SCAF8: variants seen among roughly 807,000 people sequenced by gnomAD.
SCAF8 encodes SR-related and CTD-associated factor 8.
In SCAF8, 23 loss-of-function variants were observed where a neutral mutation model predicts 140.5. The ratio of observed to expected loss-of-function variants is 0.16; its 90% CI spans 0.12 to 0.23. The LOEUF (loss-of-function observed/expected upper bound fraction) is 0.23, where lower values mean the gene tolerates loss of function less well. SCAF8 is among the 10% of genes least tolerant of loss of function. The pLI is 1.00. For missense variants in SCAF8, 1,397 were observed against 1,555.7 expected (o/e 0.90, Z 1.72); for synonymous variants, 575 against 528.9 (o/e 1.09, Z -1.20).
chr6:154,792,131 G>A (rs1210647093), intron 4 of SCAF8, among the ~76,000 whole-genome samples: 1 of 152,070 alleles, frequency 6.6e-6, no homozygotes, highest in Non-Finnish European at 1.5e-5. Context: ...ATGCCAGTAT[G>A]ACATTGACAT....
At chr6:154,817,974 A>AATTGTTTCAGATTATGGATTTT (rs1778300427) in intron 13 of SCAF8, among the ~76,000 whole-genome samples, 1 of 152,124 alleles carries the variant, frequency 6.6e-6, no homozygotes, top group South Asian at 2.1e-4. Flanking sequence ...TTTTATCATC[A>AATTGTTTCAGATTATGGATTTT]ATTGTTTCAG....
At chr6:154,773,854 G>T (rs7762129) in intron 1 of SCAF8, 135 bp from the exon 2 acceptor site, 1 of 650,356 alleles carries the variant, frequency 1.5e-6, no homozygotes, top group Non-Finnish European at 2.8e-6. Context: ...CTTATGGGCA[G>T]TGATGTTGAG....
At chr6:154,736,516 C>T (rs2114783670) in intron 1 of SCAF8, among the ~76,000 whole-genome samples, 1 of 152,056 alleles carries the variant, frequency 6.6e-6, no homozygotes, top group African/African-American at 2.4e-5. Flanking sequence ...AGGTGATCCA[C>T]CCGGCTCGGC....
At chr6:154,825,706 G>C (rs532299487) in intron 17 of SCAF8, among the ~76,000 whole-genome samples, 10 of 148,854 alleles carry the variant, frequency 6.7e-5, no homozygotes, top group Middle Eastern at 6.8e-3. Context: ...GGGAGGTTAG[G>C]TTAGAAGAAT....
chr6:154,810,181 C>A lies in SCAF8; in HGVS notation c.1393C>A (p.Pro465Thr). ...REKERQKKGL[P>T]PIRSKTLSVC... Reference sequence around the variant, plus strand: ...GAAAGAACGACAGAAAAAGGGATTACCTCCAATTAGATCTAAAACACTAAG... The same window carrying A: ...GAAAGAACGACAGAAAAAGGGATTAACTCCAATTAGATCTAAAACACTAAG... Residue 465 changes from proline (P) to threonine (T), a missense_variant, in exon 12 of 20, where the codon CCT becomes ACT. Coordinates refer to ENST00000367178, the MANE Select transcript of SCAF8 (RefSeq NM_014892.5). The A allele has an allele frequency of 6.2e-7, 1 of 1,610,968 alleles. No homozygotes were observed. Among genetic ancestry groups the A allele is most frequent in the African/African-American group, 1.3e-5 (1 of 74,668 alleles).
At position 154,818,306 on chromosome 6, in the gene SCAF8, A is replaced by G. The variant is rs926689158; in HGVS notation, c.1522-173A>G. On this transcript the variant is annotated intron_variant, in intron 13 of 19. Transcript: ENST00000367178. Reference sequence around the variant, plus strand: ...TTTTAAAAATTGAGTTATTAATTGTACATGAATTGTACCTACTAATAAACA... The same window carrying G: ...TTTTAAAAATTGAGTTATTAATTGTGCATGAATTGTACCTACTAATAAACA... Among the ~76,000 whole-genome samples the G allele has an allele frequency of 2.0e-5, 3 of 152,208 alleles. No individual in the cohort carries two copies. In the East Asian group the frequency reaches 5.8e-4, roughly 29 times the overall value.
At chr6:154,754,859 C>G (rs566771074) in intron 1 of SCAF8, among the ~76,000 whole-genome samples, 2 of 152,224 alleles carry the variant, frequency 1.3e-5, no homozygotes, top group Admixed American at 1.3e-4. Context: ...GGGATTCAGT[C>G]TCATATCTTC....
chr6:154,744,472 A>G (rs188420108), intron 1 of SCAF8, among the ~76,000 whole-genome samples: 12 of 152,328 alleles, frequency 7.9e-5, no homozygotes, highest in Non-Finnish European at 1.5e-4. Flanking sequence ...TTCTGCAGCC[A>G]TTACCATGTT....
intron 9 of SCAF8, among the ~76,000 whole-genome samples, chr6:154,806,259 G>T (rs932662657): frequency 2.0e-5 from 3 of 152,164 alleles, no homozygotes; most frequent in African/African-American, 7.2e-5. Flanking sequence ...ATGTTAAGTT[G>T]TAGAGCTAGG....
At chr6:154,773,650 T>C (rs553132771) in intron 1 of SCAF8, among the ~76,000 whole-genome samples, 1 of 152,230 alleles carries the variant, frequency 6.6e-6, no homozygotes, top group Non-Finnish European at 1.5e-5. Context: ...GGCTGGGTCT[T>C]ACGTTAACTG....
chr6:154,815,274 G>A (rs1047770106), intron 12 of SCAF8, among the ~76,000 whole-genome samples: 4 of 151,898 alleles, frequency 2.6e-5, no homozygotes, highest in Non-Finnish European at 5.9e-5. Context: ...TCCAGCCTGG[G>A]CGACAGAGTG....
At chr6:154,766,162 C>T (rs1021857847) in intron 1 of SCAF8, among the ~76,000 whole-genome samples, 1 of 151,632 alleles carries the variant, frequency 6.6e-6, no homozygotes, top group African/African-American at 2.4e-5. Context: ...AAATCTTTAC[C>T]CTTGTCTTCA....
At chr6:154,811,817 C>T (rs962070396) in intron 12 of SCAF8, among the ~76,000 whole-genome samples, 6 of 151,668 alleles carry the variant, frequency 4.0e-5, no homozygotes, top group African/African-American at 1.5e-4. Flanking sequence ...TGATAGTTTG[C>T]TGAGAATGGT....
intron 17 of SCAF8, 89 bp from the exon 18 acceptor site, chr6:154,827,083 A>G: frequency 9.5e-7 from 1 of 1,047,174 alleles, no homozygotes; most frequent in Non-Finnish European, 1.4e-6. Context: ...TTTTAAGAAT[A>G]TGAAGTTTCA....
chr6:154,747,796 C>T (rs908230681), intron 1 of SCAF8, among the ~76,000 whole-genome samples: 1 of 151,854 alleles, frequency 6.6e-6, no homozygotes, highest in Non-Finnish European at 1.5e-5. Context: ...GCATTGACCA[C>T]GTGCAGATAC....
intron 1 of SCAF8, among the ~76,000 whole-genome samples, chr6:154,734,356 C>G (rs1289274069): frequency 3.3e-5 from 5 of 152,188 alleles, no homozygotes; most frequent in Admixed American, 3.3e-4. Flanking sequence ...GAGGCTAACA[C>G]CGATTGGGGG....
chr6:154,773,871 T>G, intron 1 of SCAF8, 118 bp from the exon 2 acceptor site: 2 of 711,496 alleles, frequency 2.8e-6, no homozygotes, highest in South Asian at 3.6e-5. Flanking sequence ...TGAGCTTGAT[T>G]TGTAAAAGAA....
At chr6:154,808,251 A>C in intron 10 of SCAF8, 50 bp downstream of exon 10, 1 of 1,537,230 alleles carries the variant, frequency 6.5e-7, no homozygotes, top group Non-Finnish European at 9.0e-7. Context: ...GTAGCTAAAG[A>C]AATCATAAAA....
At chr6:154,797,820 A>C (rs1483228246) in intron 6 of SCAF8, among the ~76,000 whole-genome samples, 2 of 151,532 alleles carry the variant, frequency 1.3e-5, no homozygotes, top group African/African-American at 4.8e-5. Flanking sequence ...ATATTTTTCT[A>C]ACATTTTTCA....
Sources: gnomAD v4.1 joint callset for allele counts (sites outside exome capture counted in the v4.1 genomes callset) on GRCh38, gnomAD v4.1.1 for gene constraint, MANE v1.5 for transcripts, NCBI Gene and HGNC (gene_info 2026-07-23, HGNC 2026-07-21) for gene names.